HEMK2: variants seen among roughly 807,000 people sequenced by gnomAD.
HEMK2 encodes the protein methyltransferase HEMK2.
At chr21:28,737,872 T>C in the HEMK2 span, among the ~76,000 whole-genome samples, 2 of 152,112 alleles carry the variant, frequency 1.3e-5, no homozygotes, top group African/African-American at 2.4e-5. Context: ...GCCAGTAATA[T>C]ACACAAAGAA....
the HEMK2 span, among the ~76,000 whole-genome samples, chr21:28,701,983 T>C: frequency 2.0e-5 from 3 of 151,838 alleles, no homozygotes; most frequent in Non-Finnish European, 4.4e-5. Context: ...CAAAAACATA[T>C]ACACAGACCA....
the HEMK2 span, among the ~76,000 whole-genome samples, chr21:28,880,700 G>A: frequency 1.3e-5 from 2 of 150,228 alleles, no homozygotes; most frequent in African/African-American, 2.5e-5. Context: ...CCAAGATTGC[G>A]CCACTACACT....
chr21:28,851,004 G>A, the HEMK2 span, among the ~76,000 whole-genome samples: 54 of 124,326 alleles, frequency 4.3e-4, no homozygotes, highest in Middle Eastern at 0.012. Flanking sequence ...ATCTGATAAC[G>A]GAATGATGCT....
At chr21:28,688,858 A>G in the HEMK2 span, among the ~76,000 whole-genome samples, 1 of 151,612 alleles carries the variant, frequency 6.6e-6, no homozygotes, top group Non-Finnish European at 1.5e-5. Context: ...CAGGAGAGGG[A>G]ATCTTTAAAT....
At chr21:28,797,900 T>C in the HEMK2 span, among the ~76,000 whole-genome samples, 12 of 152,218 alleles carry the variant, frequency 7.9e-5, no homozygotes, top group Admixed American at 7.9e-4. Flanking sequence ...TTAGAGCTGA[T>C]ACAGATAATC....
chr21:28,613,093 T>A, the HEMK2 span, among the ~76,000 whole-genome samples: 6 of 147,862 alleles, frequency 4.1e-5, no homozygotes, highest in African/African-American at 1.6e-4. Context: ...GATAGATAGA[T>A]AGAAAGATAG....
chr21:28,872,712 A>G, the HEMK2 span: 1 of 152,340 alleles, frequency 6.6e-6, no homozygotes, highest in South Asian at 2.1e-4. Flanking sequence ...AGGCTTGAGA[A>G]CCAGGGAAGC....
chr21:28,653,111 T>C, the HEMK2 span, among the ~76,000 whole-genome samples: 5 of 151,918 alleles, frequency 3.3e-5, no homozygotes, highest in Non-Finnish European at 7.4e-5. Flanking sequence ...GCACACTTCA[T>C]GTGAGTTAGC....
the HEMK2 span, among the ~76,000 whole-genome samples, chr21:28,630,242 C>A: frequency 6.6e-6 from 1 of 152,024 alleles, no homozygotes; most frequent in African/African-American, 2.4e-5. Context: ...CCATCTCACA[C>A]CAGTTAGAAT....
the HEMK2 span, chr21:28,670,859 C>T: frequency 1.3e-5 from 2 of 152,158 alleles, no homozygotes; most frequent in African/African-American, 4.8e-5. Context: ...TTGGTGTGAA[C>T]TCTCTCACTA....
chr21:28,863,441 T>C, the HEMK2 span, among the ~76,000 whole-genome samples: 8 of 86,528 alleles, frequency 9.2e-5, no homozygotes, highest in African/African-American at 3.7e-4. Flanking sequence ...TATATATATA[T>C]ATATATATAT....
chr21:28,608,388 C>CA, the HEMK2 span, among the ~76,000 whole-genome samples: 150 of 117,898 alleles, frequency 1.3e-3, no homozygotes, highest in East Asian at 3.2e-3. Context: ...TTTTCAACTT[C>CA]AAAAAAAAAA....
At chr21:28,796,556 A>G in the HEMK2 span, among the ~76,000 whole-genome samples, 915 of 152,296 alleles carry the variant, frequency 6.0e-3, 9 homozygotes, top group African/African-American at 0.021. Flanking sequence ...CAGAATTAAT[A>G]AACTATTGAC....
chr21:28,792,997 A>AAGGT, the HEMK2 span, among the ~76,000 whole-genome samples: 2 of 152,200 alleles, frequency 1.3e-5, no homozygotes, highest in East Asian at 3.8e-4. Context: ...ATTTATAATT[A>AAGGT]CCACCTTAGC....
chr21:28,649,859 A>ATAC, the HEMK2 span, among the ~76,000 whole-genome samples: 1,441 of 150,848 alleles, frequency 9.6e-3, 23 homozygotes, highest in African/African-American at 0.033. Context: ...AAATAATAAA[A>ATAC]TAATAAAATT....
chr21:28,855,938 A>G, the HEMK2 span, among the ~76,000 whole-genome samples: 1 of 152,322 alleles, frequency 6.6e-6, no homozygotes, highest in Non-Finnish European at 1.5e-5. Flanking sequence ...TAACAACCTA[A>G]CATTACATCT....
the HEMK2 span, among the ~76,000 whole-genome samples, chr21:28,614,230 T>C: frequency 1.2e-4 from 19 of 152,218 alleles, no homozygotes; most frequent in Middle Eastern, 3.2e-3. Context: ...TAGAACTACC[T>C]AAGATGTCTA....
At chr21:28,685,763 A>T in the HEMK2 span, among the ~76,000 whole-genome samples, 1 of 152,152 alleles carries the variant, frequency 6.6e-6, no homozygotes, top group East Asian at 1.9e-4. Context: ...TTTTAAAGGG[A>T]GAATGAGAGA....
the HEMK2 span, among the ~76,000 whole-genome samples, chr21:28,766,801 G>A: frequency 3.9e-5 from 6 of 152,054 alleles, no homozygotes; most frequent in African/African-American, 9.7e-5. Flanking sequence ...TAAGTTATGA[G>A]GACACAAAGG....
Sources: allele counts gnomAD v4.1 joint callset (sites outside exome capture counted in the v4.1 genomes callset), GRCh38; gene constraint gnomAD v4.1.1; transcripts MANE v1.5; gene names NCBI Gene and HGNC (gene_info 2026-07-23, HGNC 2026-07-21).